The following GAD2 variants were observed in gnomAD, a reference collection of about 807,000 sequenced individuals.
GAD2 encodes the protein 65 kDa glutamic acid decarboxylase.
Under a neutral mutation model 80.1 loss-of-function variants are expected in GAD2, and 22 were observed. The ratio of observed to expected loss-of-function variants is 0.27; its 90% CI spans 0.20 to 0.39. GAD2 has a LOEUF of 0.39. Ranked by LOEUF, GAD2 falls within the 10% of genes least tolerant of loss-of-function variation. The pLI is 1.00. For synonymous variants in GAD2, 274 were observed against 256.9 expected, an observed-to-expected ratio of 1.07 and a Z score of -0.64; for missense variants, 624 against 738.4, an observed-to-expected ratio of 0.85 and a Z score of 1.80.
rs902759893 is a variant in GAD2, at chr10:26,218,167, C to T, written c.286+176C>T. 7.8e-6 allele frequency: 5 copies of T among 644,334 alleles called. No individual in the cohort carries two copies. In the Admixed American group the frequency reaches 1.1e-4, roughly 14 times the overall value. The allele number at this position is 644,334 out of a possible 1,614,324, so 39.9% of individuals were successfully genotyped here. A position where few individuals can be genotyped will look rare whatever the true frequency, so the allele number is the denominator to read the frequency against. Reference sequence around the variant, plus strand: ...AAATGCGGGACCTGCCCGCTGGGTCCAAGCCCCCGAACCTGGCCTCGGAGC... The same window carrying T: ...AAATGCGGGACCTGCCCGCTGGGTCTAAGCCCCCGAACCTGGCCTCGGAGC... On this transcript the variant is annotated intron_variant, in intron 3 of 15. Coordinates refer to ENST00000376261, the MANE Select transcript of GAD2 (RefSeq NM_001134366.2).
chr10:26,241,745 A>G (rs1039726119), intron 7 of GAD2, among the ~76,000 whole-genome samples: 6 of 152,178 alleles, frequency 3.9e-5, no homozygotes, highest in African/African-American at 1.2e-4. Flanking sequence ...GGTATTTTGG[A>G]AAACTCTATA....
At chr10:26,231,277 G>A (rs1347704598) in intron 7 of GAD2, among the ~76,000 whole-genome samples, 2 of 152,138 alleles carry the variant, frequency 1.3e-5, no homozygotes, top group Non-Finnish European at 2.9e-5. Context: ...CTCAGGAGAC[G>A]CAGGGAACCG....
At chr10:26,299,251 T>A (rs1056205812) in intron 15 of GAD2, among the ~76,000 whole-genome samples, 1 of 152,206 alleles carries the variant, frequency 6.6e-6, no homozygotes, top group Non-Finnish European at 1.5e-5. Context: ...AAACCAATGA[T>A]TATTTAAGAG....
At chr10:26,241,305 G>T (rs991136531) in intron 7 of GAD2, among the ~76,000 whole-genome samples, 2 of 152,136 alleles carry the variant, frequency 1.3e-5, no homozygotes, top group Non-Finnish European at 2.9e-5. Flanking sequence ...CAAGAGTCTT[G>T]ATTATTTTGG....
chr10:26,288,206 A>T (rs1158917210), intron 13 of GAD2, among the ~76,000 whole-genome samples: 1 of 152,212 alleles, frequency 6.6e-6, no homozygotes, highest in South Asian at 2.1e-4. Context: ...AAACAGAAAG[A>T]TGGTCTTGCT....
At chr10:26,297,242 C>T (rs1283394345) in intron 15 of GAD2, among the ~76,000 whole-genome samples, 1 of 152,194 alleles carries the variant, frequency 6.6e-6, no homozygotes, top group Non-Finnish European at 1.5e-5. Context: ...TTTAGAATTT[C>T]TCATTTAATT....
intron 13 of GAD2, among the ~76,000 whole-genome samples, chr10:26,289,101 A>T (rs184029981): frequency 1.7e-3 from 256 of 152,204 alleles, no homozygotes; most frequent in Admixed American, 4.6e-3. Context: ...AAACGAAATG[A>T]TAATCATTAT....
intron 4 of GAD2, among the ~76,000 whole-genome samples, chr10:26,223,318 A>G (rs1251847961): frequency 6.6e-6 from 1 of 152,180 alleles, no homozygotes; most frequent in East Asian, 1.9e-4. Flanking sequence ...TCCAGGGCAA[A>G]TCATTCAGCA....
At chr10:26,292,825 C>T in intron 14 of GAD2, 77 bp from the exon 15 acceptor site, 1 of 1,191,660 alleles carries the variant, frequency 8.4e-7, no homozygotes, top group Non-Finnish European at 1.3e-6. Context: ...CTGCTGAATA[C>T]ATCGATTTGA....
chr10:26,235,457 G>A (rs12243085), intron 7 of GAD2, among the ~76,000 whole-genome samples: 32,675 of 152,146 alleles, frequency 0.21, 6,705 homozygotes, highest in African/African-American at 0.54. Context: ...CTAGAGCTTT[G>A]CTTATCTGAT....
chr10:26,247,286 G>A lies in GAD2; in HGVS notation c.920+1286G>A, dbSNP rs145961955. ...GTGCTGGTGAGAGTGTAGCAGTGAGGAGGATGACCAGAAGTCACTCTCGTG... is the reference window on the plus strand; with the variant it reads ...GTGCTGGTGAGAGTGTAGCAGTGAGAAGGATGACCAGAAGTCACTCTCGTG... On this transcript the variant is annotated intron_variant, in intron 8 of 15. Coordinates refer to ENST00000376261, the MANE Select transcript of GAD2 (RefSeq NM_001134366.2). 5.9e-5 allele frequency among the ~76,000 whole-genome samples: 9 copies of A among 152,278 alleles called. No homozygotes were observed. The East Asian group carries it at 1.7e-3, about 29-fold the overall frequency.
chr10:26,229,887 C>T (rs752663786), intron 7 of GAD2, 110 bp downstream of exon 7: 1 of 754,166 alleles, frequency 1.3e-6, no homozygotes, highest in Non-Finnish European at 2.2e-6. Context: ...CTGGAAGACA[C>T]CTTGGGAGGG....
At chr10:26,245,417 AT>A (rs1844795530) in intron 7 of GAD2, among the ~76,000 whole-genome samples, 1 of 148,978 alleles carries the variant, frequency 6.7e-6, no homozygotes, top group Admixed American at 6.7e-5. Flanking sequence ...TTAAGATGGC[AT>A]TTAAGTTATG....
chr10:26,223,151 CT>C (rs1182107832), intron 4 of GAD2, among the ~76,000 whole-genome samples: 1 of 152,184 alleles, frequency 6.6e-6, no homozygotes, highest in African/African-American at 2.4e-5. Flanking sequence ...TTGAGTATAT[CT>C]TTCTGTATCT....
intron 7 of GAD2, among the ~76,000 whole-genome samples, chr10:26,245,640 G>T (rs1226525604): frequency 6.6e-6 from 1 of 151,744 alleles, no homozygotes; most frequent in East Asian, 1.9e-4. Context: ...GACTGGGTTT[G>T]ACTATGTTGG....
At chr10:26,269,261 G>A (rs942797650) in intron 9 of GAD2, 88 bp downstream of exon 9, 104 of 1,096,220 alleles carry the variant, frequency 9.5e-5, no homozygotes, top group Non-Finnish European at 1.2e-4. Context: ...ATTTTAAAAA[G>A]AGGATCCAAG....
At chr10:26,245,153 CAA>C (rs1229625147) in intron 7 of GAD2, among the ~76,000 whole-genome samples, 23 of 52,304 alleles carry the variant, frequency 4.4e-4, no homozygotes, top group Non-Finnish European at 4.9e-4. Flanking sequence ...AACTCTGTCT[CAA>C]AAAAAAAAAA....
chr10:26,272,564 C>G (rs1845148840), intron 10 of GAD2, among the ~76,000 whole-genome samples: 1 of 152,022 alleles, frequency 6.6e-6, no homozygotes, highest in Non-Finnish European at 1.5e-5. Flanking sequence ...CATAATTTTT[C>G]AAAGTGCAAA....
At chr10:26,273,940 A>G (rs1228056850) in intron 11 of GAD2, among the ~76,000 whole-genome samples, 2 of 152,204 alleles carry the variant, frequency 1.3e-5, no homozygotes, top group Non-Finnish European at 2.9e-5. Flanking sequence ...CGACCCAGGT[A>G]GAATCTCTTT....
Sources: allele counts gnomAD v4.1 joint callset (sites outside exome capture counted in the v4.1 genomes callset), GRCh38; gene constraint gnomAD v4.1.1; transcripts MANE v1.5; gene names NCBI Gene and HGNC (gene_info 2026-07-23, HGNC 2026-07-21).